NSL1: variants seen among roughly 807,000 people sequenced by gnomAD.
The protein encoded by NSL1 is kinetochore-associated protein NSL1 homolog.
NSL1 carries 11 observed loss-of-function variants against 25.4 expected under a neutral mutation model. The ratio of observed to expected loss-of-function variants is 0.43; its 90% CI spans 0.27 to 0.72. The LOEUF (loss-of-function observed/expected upper bound fraction) is 0.72, where lower values mean the gene tolerates loss of function less well. Ranked by LOEUF, NSL1 falls within the 30% of genes least tolerant of loss-of-function variation. The pLI, the probability that NSL1 is intolerant of heterozygous loss-of-function variation, is 0.19. For missense variants in NSL1, 330 were observed against 342.7 expected, an observed-to-expected ratio of 0.96 and a Z score of 0.29; for synonymous variants, 118 against 120.6, an observed-to-expected ratio of 0.98 and a Z score of 0.14.
rs962506988 is a variant in NSL1, at chr1:212,775,934, T to G, written c.499+6438A>C. On this transcript the variant is annotated intron_variant, in intron 4 of 5. Transcript: ENST00000366977. Reference sequence around the variant, plus strand: ...GCTCCGCCTCCCAGGTTCACGCCATTCTTCTGCCTCAGCCTCCCAAGTAGC... The same window carrying G: ...GCTCCGCCTCCCAGGTTCACGCCATGCTTCTGCCTCAGCCTCCCAAGTAGC... 9.9e-5 allele frequency among the ~76,000 whole-genome samples: 15 copies of G among 151,852 alleles called. 1 individual carries two copies. Among genetic ancestry groups the G allele is most frequent in the Non-Finnish European group, 2.9e-5 (2 of 67,950 alleles).
chr1:212,779,958 A>G (rs1660637201), intron 4 of NSL1, among the ~76,000 whole-genome samples: 1 of 151,374 alleles, frequency 6.6e-6, no homozygotes, highest in Admixed American at 6.6e-5. Context: ...CCCTACTGGG[A>G]AGTGAGGAGC....
chr1:212,749,339 G>GTTTTTT (rs10717383), intron 4 of NSL1, among the ~76,000 whole-genome samples: 1,162 of 76,922 alleles, frequency 0.015, 23 homozygotes, highest in Middle Eastern at 0.028. Context: ...GTTTTATTGT[G>GTTTTTT]TTTTTTTTTT....
At chr1:212,790,132 G>A (rs1661128007) in intron 1 of NSL1, among the ~76,000 whole-genome samples, 1 of 152,062 alleles carries the variant, frequency 6.6e-6, no homozygotes, top group Non-Finnish European at 1.5e-5. Context: ...TCCTGCCTCA[G>A]CCTCCCGAGT....
At chr1:212,770,820 A>G (rs560846382) in intron 4 of NSL1, among the ~76,000 whole-genome samples, 65 of 152,314 alleles carry the variant, frequency 4.3e-4, no homozygotes, top group Admixed American at 3.8e-3. Context: ...TGAATTGAAC[A>G]ACACATCAAA....
Position 212,727,508 on chromosome 1 carries a change from TATC to T in NSL1, c.*10897_*10899del. 1 of 985,472 alleles carries T rather than the reference TATC, an allele frequency of 1.0e-6. No individual in the cohort carries two copies. The highest frequency in any genetic ancestry group is 1.2e-6 in the Non-Finnish European group (1 of 829,926). 61.0% of individuals were successfully genotyped at this position (985,472 alleles called of 1,614,324 possible). On this transcript the variant is annotated 3_prime_UTR_variant, in exon 6 of 6. Coordinates refer to ENST00000366977, the MANE Select transcript of NSL1 (RefSeq NM_015471.4). ...CGATTCCTTTTGCAATTTAGGTTAA[TATC>T]ATAACTATACCACTGGAGAGAAAGG...
rs181732477 is a variant in NSL1, at chr1:212,727,769, T to A, written c.*10639A>T. Reference sequence around the variant, plus strand: ...AAGTTCATATTTAACCTCATTAAGATAATAAATTGCTTTAAACAACTTTGA... The same window carrying A: ...AAGTTCATATTTAACCTCATTAAGAAAATAAATTGCTTTAAACAACTTTGA... On this transcript the variant is annotated 3_prime_UTR_variant, in exon 6 of 6. Coordinates refer to ENST00000366977, the MANE Select transcript of NSL1 (RefSeq NM_015471.4). 2 of 984,388 alleles carry A rather than the reference T, an allele frequency of 2.0e-6. No homozygotes were observed. Among genetic ancestry groups the A allele is most frequent in the East Asian group, 1.1e-4 (1 of 8,816 alleles). 61.0% of individuals were successfully genotyped at this position (984,388 alleles called of 1,614,324 possible). A position where few individuals can be genotyped will look rare whatever the true frequency, so the allele number is the denominator to read the frequency against.
intron 4 of NSL1, among the ~76,000 whole-genome samples, chr1:212,745,261 A>C (rs1658735742): frequency 6.6e-6 from 1 of 151,356 alleles, no homozygotes; most frequent in African/African-American, 2.4e-5. Context: ...CAGGGGCAGA[A>C]AAAATATCTT....
chr1:212,766,388 A>G, intron 4 of NSL1: 1 of 429,068 alleles, frequency 2.3e-6, no homozygotes, highest in Non-Finnish European at 4.1e-6. Context: ...AGAGGAACCC[A>G]AACTGTCACT....
At chr1:212,761,333 T>C (rs750427174) in intron 4 of NSL1, among the ~76,000 whole-genome samples, 1 of 152,218 alleles carries the variant, frequency 6.6e-6, no homozygotes, top group African/African-American at 2.4e-5. Context: ...GTGCATCACC[T>C]GAACCTTGGA....
intron 1 of NSL1, among the ~76,000 whole-genome samples, chr1:212,790,115 G>A (rs750107191): frequency 7.2e-5 from 11 of 152,024 alleles, no homozygotes; most frequent in Non-Finnish European, 1.6e-4. Context: ...CCGGGTTCAC[G>A]CCATTCTCCT....
chr1:212,727,961 G>C lies in NSL1; in HGVS notation c.*10447C>G. 2.0e-6 allele frequency: 2 copies of C among 985,388 alleles called. No homozygotes were observed. Among genetic ancestry groups the C allele is most frequent in the Non-Finnish European group, 2.4e-6 (2 of 829,920 alleles). 61.0% of individuals were successfully genotyped at this position (985,388 alleles called of 1,614,324 possible). ...AGCGGTGAGAGCGTCTGAGACTCTG[G>C]ACAAGGCCTTTGCTGTGAACCACGG... On this transcript the variant is annotated 3_prime_UTR_variant, in exon 6 of 6. Transcript: ENST00000366977.
Position 212,779,732 on chromosome 1 carries a change from T to TG in NSL1, c.499+2639dup, listed in dbSNP as rs1274185583. On this transcript the variant is annotated intron_variant, in intron 4 of 5. Coordinates refer to ENST00000366977, the MANE Select transcript of NSL1 (RefSeq NM_015471.4). ...CCAGCCGCCCCATCCGGGAGGGAGG[T>TG]GGGGGGGTCAGCCCCCCGCCCAGCC... 8.9e-4 allele frequency among the ~76,000 whole-genome samples: 46 copies of TG among 51,966 alleles called. 1 individual carries two copies. The highest frequency in any genetic ancestry group is 2.8e-3 in the African/African-American group (42 of 14,758). The allele number at this position is 51,966 out of a possible 152,430, so 34.1% of individuals were successfully genotyped here.
chr1:212,789,037 C>A (rs1188261695), intron 1 of NSL1, among the ~76,000 whole-genome samples: 3 of 152,114 alleles, frequency 2.0e-5, no homozygotes, highest in Non-Finnish European at 2.9e-5. Flanking sequence ...GGAAGGGGAA[C>A]TCAAAGAATT....
chr1:212,733,260 C>T lies in NSL1; in HGVS notation c.*5148G>A, dbSNP rs1293649326. On this transcript the variant is annotated 3_prime_UTR_variant, in exon 6 of 6. Coordinates refer to ENST00000366977, the MANE Select transcript of NSL1 (RefSeq NM_015471.4). ...TGAGACCAGCCACATAGCGAAACTC[C>T]GTCTCTACAAAAAATACAAAAATTA... 6.6e-6 allele frequency among the ~76,000 whole-genome samples: 1 copy of T among 151,898 alleles called. No individual in the cohort carries two copies. The highest frequency in any genetic ancestry group is 2.4e-5 in the African/African-American group (1 of 41,334).
At chr1:212,791,011 G>C (rs2102413768) in intron 1 of NSL1, among the ~76,000 whole-genome samples, 1 of 152,238 alleles carries the variant, frequency 6.6e-6, no homozygotes, top group East Asian at 1.9e-4. Flanking sequence ...CTGACTTCCA[G>C]AATTACCCTT....
intron 1 of NSL1, among the ~76,000 whole-genome samples, chr1:212,790,674 G>A (rs193163421): frequency 6.6e-6 from 1 of 152,224 alleles, no homozygotes; most frequent in African/African-American, 2.4e-5. Flanking sequence ...TGTAATACCA[G>A]CACTTTGGGA....
chr1:212,756,473 A>G (rs1170608760), intron 4 of NSL1, among the ~76,000 whole-genome samples: 1 of 152,120 alleles, frequency 6.6e-6, no homozygotes, highest in African/African-American at 2.4e-5. Context: ...AAAATTATGT[A>G]TTGTTTGCAA....
chr1:212,731,750 C>T lies in NSL1; in HGVS notation c.*6658G>A. ...TTCCAGTTGTGGTGGGTGAAGATTT[C>T]ACTCCCCACTGCCATGTCAAAGCTG... On this transcript the variant is annotated 3_prime_UTR_variant, in exon 6 of 6. Transcript: ENST00000366977. 1 of 985,356 alleles carries T rather than the reference C, an allele frequency of 1.0e-6. No individual in the cohort carries two copies. The highest frequency in any genetic ancestry group is 1.2e-6 in the Non-Finnish European group (1 of 829,894). 61.0% of individuals were successfully genotyped at this position (985,356 alleles called of 1,614,324 possible).
At chr1:212,777,067 A>AC (rs1300036311) in intron 4 of NSL1, among the ~76,000 whole-genome samples, 1 of 151,846 alleles carries the variant, frequency 6.6e-6, no homozygotes, top group Non-Finnish European at 1.5e-5. Flanking sequence ...GACTAAAAAA[A>AC]AAAAAACAAA....
Sources: allele counts gnomAD v4.1 joint callset (sites outside exome capture counted in the v4.1 genomes callset), GRCh38; gene constraint gnomAD v4.1.1; transcripts MANE v1.5; gene names NCBI Gene and HGNC (gene_info 2026-07-23, HGNC 2026-07-21).